SPAG17: variants seen among roughly 807,000 people sequenced by gnomAD.
SPAG17 encodes sperm associated antigen 17.
In SPAG17, 169 loss-of-function variants were observed where a neutral mutation model predicts 273.6. The ratio of observed to expected loss-of-function variants is 0.62; its 90% CI spans 0.55 to 0.70. SPAG17 has a LOEUF of 0.70. Ranked by LOEUF, SPAG17 falls within the 30% of genes least tolerant of loss-of-function variation. The pLI is 0.00. For missense variants in SPAG17, 2,557 were observed against 2,627.8 expected (o/e 0.97, Z 0.59); for synonymous variants, 825 against 873.2 (o/e 0.94, Z 0.97).
intron 25 of SPAG17, among the ~76,000 whole-genome samples, chr1:118,031,209 T>C (rs1648425381): frequency 7.4e-6 from 1 of 134,968 alleles, no homozygotes; most frequent in South Asian, 2.6e-4. Context: ...TTTTGAGGAC[T>C]ACTCTTTAAT....
intron 23 of SPAG17, among the ~76,000 whole-genome samples, chr1:118,039,025 T>C (rs889956346): frequency 3.3e-5 from 5 of 152,148 alleles, no homozygotes; most frequent in African/African-American, 1.2e-4. Flanking sequence ...GAAGAGGGCA[T>C]TGAGAAATCT....
In SPAG17 at chr1:117,996,480, T is replaced by C; in HGVS notation, c.4943A>G (p.Asp1648Gly). 6.2e-7 allele frequency: 1 copy of C among 1,612,616 alleles called. No individual in the cohort carries two copies. ...HVPRFFVMYA[D>G]GSGMELLRDS... Reference sequence around the variant, plus strand: ...TCGAAGAAGTTCCATTCCTGATCCATCAGCATACATAACAAAAAACCTATT... The same window carrying C: ...TCGAAGAAGTTCCATTCCTGATCCACCAGCATACATAACAAAAAACCTATT... Residue 1648 changes from aspartate to glycine, a missense_variant, in exon 34 of 49, where the codon GAT becomes GGT. By Grantham distance (94) the Asp-to-Gly change is moderately conservative (BLOSUM62 -1). Transcript: ENST00000336338.
chr1:118,088,028 A>T (rs1427272210), intron 10 of SPAG17, among the ~76,000 whole-genome samples: 6 of 152,210 alleles, frequency 3.9e-5, no homozygotes, highest in Non-Finnish European at 8.8e-5. Flanking sequence ...ACAAAATTGC[A>T]TCCTATTCTT....
At chr1:118,101,249 T>C (rs1656048352) in intron 5 of SPAG17, among the ~76,000 whole-genome samples, 1 of 152,174 alleles carries the variant, frequency 6.6e-6, no homozygotes, top group Admixed American at 6.6e-5. Flanking sequence ...ATCCTGTCTC[T>C]ACAAAATAAA....
At chr1:118,148,910 AGG>A (rs1417362698) in intron 3 of SPAG17, among the ~76,000 whole-genome samples, 1 of 152,188 alleles carries the variant, frequency 6.6e-6, no homozygotes, top group Non-Finnish European at 1.5e-5. Flanking sequence ...CTAAATGTGA[AGG>A]GACTGAGATG....
intron 32 of SPAG17, among the ~76,000 whole-genome samples, chr1:118,002,723 G>C (rs1658434668): frequency 6.6e-6 from 1 of 151,832 alleles, no homozygotes; most frequent in Admixed American, 6.6e-5. Flanking sequence ...GTGTGTCTTT[G>C]CACATGAGAT....
chr1:118,011,659 C>G (rs114368315), intron 30 of SPAG17, among the ~76,000 whole-genome samples: 1 of 152,008 alleles, frequency 6.6e-6, no homozygotes, highest in Non-Finnish European at 1.5e-5. Context: ...TACGGCAAAC[C>G]CTGTTACATG....
At chr1:117,963,724 G>A (rs1338274997) in intron 48 of SPAG17, 75 bp downstream of exon 48, 20 of 1,378,940 alleles carry the variant, frequency 1.5e-5, no homozygotes, top group Admixed American at 2.2e-5. Flanking sequence ...TATAAGAAGA[G>A]GGGAAGAAAC....
At chr1:117,955,399 A>G in intron 48 of SPAG17, 4 of 1,591,900 alleles carry the variant, frequency 2.5e-6, no homozygotes, top group Non-Finnish European at 3.4e-6. Context: ...ATCTGTCAGC[A>G]AACATTTATG....
intron 10 of SPAG17, among the ~76,000 whole-genome samples, chr1:118,089,189 A>C (rs1353589245): frequency 6.6e-6 from 1 of 152,196 alleles, no homozygotes; most frequent in Non-Finnish European, 1.5e-5. Flanking sequence ...AGGTGGTCAG[A>C]GAAGGCCTCT....
chr1:118,153,323 A>T (rs1570791595), intron 1 of SPAG17, among the ~76,000 whole-genome samples: 2 of 152,332 alleles, frequency 1.3e-5, no homozygotes, highest in Non-Finnish European at 2.9e-5. Context: ...GGAAAAACAA[A>T]GGTCCAAAAA....
At chr1:118,098,446 T>C (rs1570690295) in intron 6 of SPAG17, among the ~76,000 whole-genome samples, 2 of 152,164 alleles carry the variant, frequency 1.3e-5, no homozygotes, top group African/African-American at 4.8e-5. Context: ...TATAATTAAA[T>C]AGTAGTTTCT....
At chr1:118,142,459 G>C (rs1388780827) in intron 3 of SPAG17, among the ~76,000 whole-genome samples, 1 of 151,980 alleles carries the variant, frequency 6.6e-6, no homozygotes, top group Non-Finnish European at 1.5e-5. Flanking sequence ...GGTTAAAATG[G>C]CAATTTTATG....
chr1:118,126,414 C>T (rs919971297), intron 3 of SPAG17, among the ~76,000 whole-genome samples: 1 of 151,444 alleles, frequency 6.6e-6, no homozygotes. Flanking sequence ...GGGGTTTCAC[C>T]GTGTTAGCCA....
intron 1 of SPAG17, among the ~76,000 whole-genome samples, chr1:118,171,810 C>T (rs570860590): frequency 2.0e-5 from 3 of 151,452 alleles, no homozygotes; most frequent in South Asian, 4.2e-4. Context: ...GCAAGGTCCA[C>T]GTAAAATGTT....
chr1:117,999,262 C>G (rs1478221323), intron 32 of SPAG17, among the ~76,000 whole-genome samples: 1 of 152,140 alleles, frequency 6.6e-6, no homozygotes, highest in Non-Finnish European at 1.5e-5. Flanking sequence ...CAAGTCTTTG[C>G]TATTGTTAAT....
chr1:118,153,631 A>C (rs1364524514), intron 1 of SPAG17, among the ~76,000 whole-genome samples: 6 of 152,096 alleles, frequency 3.9e-5, no homozygotes, highest in Non-Finnish European at 7.4e-5. Flanking sequence ...GGCAGATCAC[A>C]AGGTCAGGAG....
chr1:117,959,539 C>T lies in SPAG17; in HGVS notation c.*4260G>A, dbSNP rs12403592. The T allele has an allele frequency of 8.8e-3, 11,544 of 1,315,900 alleles. 311 individuals are homozygous for T. In the Admixed American group the frequency reaches 0.1, roughly 12 times the overall value. 81.5% of individuals were successfully genotyped at this position (1,315,900 alleles called of 1,614,324 possible). Reference sequence around the variant, plus strand: ...AAGAGTTGGCGTCATCTTAAAAATACCAAATAACAGAAGATCGCATTGCAG... The same window carrying T: ...AAGAGTTGGCGTCATCTTAAAAATATCAAATAACAGAAGATCGCATTGCAG... On this transcript the variant is annotated intron_variant, in intron 48 of 48. Coordinates refer to ENST00000336338, the MANE Select transcript of SPAG17 (RefSeq NM_206996.4).
chr1:118,008,293 TGGATTCCCCA>T, intron 30 of SPAG17, 95 bp from the exon 31 acceptor site: 1 of 1,418,456 alleles, frequency 7.0e-7, no homozygotes, highest in Admixed American at 2.0e-5. Flanking sequence ...CCTGGCTGTC[TGGATTCCCCA>T]TGGAAAAAAC....
Sources: gnomAD v4.1 joint callset for allele counts (sites outside exome capture counted in the v4.1 genomes callset) on GRCh38, gnomAD v4.1.1 for gene constraint, MANE v1.5 for transcripts, NCBI Gene and HGNC (gene_info 2026-07-23, HGNC 2026-07-21) for gene names.